TRPM8: variants seen among roughly 807,000 people sequenced by gnomAD.
TRPM8 encodes TRPM8 cationic channel.
Under a neutral mutation model 133.7 loss-of-function variants are expected in TRPM8, and 110 were observed. That is an observed-to-expected ratio of 0.82 (90% CI 0.70 to 0.96). TRPM8 has a LOEUF of 0.96. TRPM8 is among the 40% of genes least tolerant of loss of function. TRPM8 has a pLI of 0.00. For missense variants in TRPM8, 1,291 were observed against 1,379.5 expected, an observed-to-expected ratio of 0.94 and a Z score of 1.02; for synonymous variants, 535 against 532.3, an observed-to-expected ratio of 1.01 and a Z score of -0.07.
chr2:233,971,633 G>A (rs1691721937), intron 17 of TRPM8, among the ~76,000 whole-genome samples: 1 of 151,988 alleles, frequency 6.6e-6, no homozygotes, highest in South Asian at 2.1e-4. Flanking sequence ...AGCTCTTAAG[G>A]TGGTGCGTCT....
At chr2:233,927,754 CT>C (rs1304070549) in intron 2 of TRPM8, among the ~76,000 whole-genome samples, 1 of 66,922 alleles carries the variant, frequency 1.5e-5, no homozygotes, top group Admixed American at 1.7e-4. Flanking sequence ...TTCTTTCTTT[CT>C]TTCTTTCTTT....
intron 11 of TRPM8, among the ~76,000 whole-genome samples, chr2:233,956,806 C>T (rs565212675): frequency 2.0e-5 from 3 of 152,294 alleles, no homozygotes; most frequent in South Asian, 2.1e-4. Context: ...CAATGAACCC[C>T]GCTGCACATT....
At chr2:234,005,358 T>C (rs1692666738) in intron 22 of TRPM8, among the ~76,000 whole-genome samples, 1 of 152,220 alleles carries the variant, frequency 6.6e-6, no homozygotes, top group Admixed American at 6.5e-5. Context: ...CTTTGACTGT[T>C]ACAGAGGTTG....
chr2:233,941,408 A>G (rs1165521144), intron 5 of TRPM8, among the ~76,000 whole-genome samples: 1 of 152,208 alleles, frequency 6.6e-6, no homozygotes, highest in Non-Finnish European at 1.5e-5. Flanking sequence ...AAGCAGGTGT[A>G]AAACTTCTAA....
At chr2:233,968,043 A>C (rs1691618604) in intron 15 of TRPM8, 1 of 152,036 alleles carries the variant, frequency 6.6e-6, no homozygotes, top group African/African-American at 2.4e-5. Context: ...TTCTTTCTAT[A>C]GTCAGGGTGC....
chr2:233,983,671 GC>G (rs1230390704), intron 20 of TRPM8, among the ~76,000 whole-genome samples: 1 of 152,198 alleles, frequency 6.6e-6, no homozygotes, highest in African/African-American at 2.4e-5. Flanking sequence ...TTGGAGGCAG[GC>G]TGATGGTGGC....
Position 233,969,824 on chromosome 2 carries a change from A to G in TRPM8, c.2138+17A>G. On this transcript the variant is annotated intron_variant, in intron 16 of 25. Transcript: ENST00000324695. Reference sequence around the variant, plus strand: ...ATCATTTAGGTACAAACCAAGGCACATAATCGTGTGTGAGTGTGTGTGCCA... The same window carrying G: ...ATCATTTAGGTACAAACCAAGGCACGTAATCGTGTGTGAGTGTGTGTGCCA... The G allele has an allele frequency of 6.6e-7, 1 of 1,510,614 alleles. No homozygotes were observed. The highest frequency in any genetic ancestry group is 2.3e-5 in the East Asian group (1 of 44,368). 93.6% of individuals were successfully genotyped at this position (1,510,614 alleles called of 1,614,324 possible).
In TRPM8 at chr2:233,981,922, G is replaced by A. The variant is rs954572192; in HGVS notation, c.2589+7G>A. 2.5e-6 allele frequency: 4 copies of A among 1,600,982 alleles called. No individual in the cohort carries two copies. In the African/African-American group the frequency reaches 4.1e-5, roughly 16 times the overall value. On this transcript the variant is annotated splice_region_variant and intron_variant, in intron 19 of 25. Coordinates refer to ENST00000324695, the MANE Select transcript of TRPM8 (RefSeq NM_024080.5). ...TATAATGCTGCAGAGGATGGTAAGAGTCAAGAATATTTGTAGTCATCATTT... is the reference window on the plus strand; with the variant it reads ...TATAATGCTGCAGAGGATGGTAAGAATCAAGAATATTTGTAGTCATCATTT...
At chr2:233,960,445 A>C (rs1691404722) in intron 11 of TRPM8, among the ~76,000 whole-genome samples, 1 of 152,028 alleles carries the variant, frequency 6.6e-6, no homozygotes, top group Non-Finnish European at 1.5e-5. Flanking sequence ...TATGTCTCAT[A>C]CTGGGGAAAA....
intron 11 of TRPM8, chr2:233,955,468 T>C (rs1691271696): frequency 2.5e-6 from 1 of 403,142 alleles, no homozygotes; most frequent in South Asian, 3.9e-5. Flanking sequence ...TAAAAATAAA[T>C]GGTATAAAAT....
intron 6 of TRPM8, 198 bp downstream of exon 6, chr2:233,942,946 A>C (rs772709102): frequency 1.6e-5 from 10 of 623,196 alleles, no homozygotes; most frequent in Admixed American, 2.8e-5. Flanking sequence ...GAAAGAGTTA[A>C]CAATGAATGT....
intron 8 of TRPM8, among the ~76,000 whole-genome samples, chr2:233,948,602 TA>T (rs1224553259): frequency 6.6e-6 from 1 of 152,220 alleles, no homozygotes; most frequent in Non-Finnish European, 1.5e-5. Context: ...TTTCTTGGCC[TA>T]GGGGGTAGGG....
At position 233,961,045 on chromosome 2, in the gene TRPM8, C is replaced by A; in HGVS notation, c.1632C>A (p.Asp544Glu). Residue 544 changes from aspartate to glutamate, a missense_variant, in exon 12 of 26, where the codon GAC becomes GAA. This residue lies in a region of TRPM8 where 963 missense variants were observed against 968.9 expected (regional missense o/e 0.99). Coordinates refer to ENST00000324695, the MANE Select transcript of TRPM8 (RefSeq NM_024080.5). ...GFRKEDRNGR[D>E]EMDIELHDVS... ...GGAAGGAAGACAGAAATGGCCGGGA[C>A]GAGATGGACATAGAACTCCACGTAG... 1.2e-6 allele frequency: 2 copies of A among 1,614,016 alleles called. No individual in the cohort carries two copies. Among genetic ancestry groups the A allele is most frequent in the Non-Finnish European group, 1.7e-6 (2 of 1,180,020 alleles).
At chr2:234,000,086 G>GATTTATTTATTTATTAATTT (rs1692513296) in intron 22 of TRPM8, among the ~76,000 whole-genome samples, 1 of 144,166 alleles carries the variant, frequency 6.9e-6, no homozygotes, top group East Asian at 2.1e-4. Context: ...CAATGTGGAT[G>GATTTATTTATTTATTAATTT]ATTTATTTAT....
intron 8 of TRPM8, among the ~76,000 whole-genome samples, chr2:233,949,162 C>A (rs1691117600): frequency 6.6e-6 from 1 of 152,224 alleles, no homozygotes. Flanking sequence ...ACAGAGGGAT[C>A]CCGGCCTGCT....
rs1367988799 is a variant in TRPM8, at chr2:234,017,308, A to G, written c.*52A>G. The G allele has an allele frequency of 4.2e-6, 2 of 471,044 alleles. No individual in the cohort carries two copies. The highest frequency in any genetic ancestry group is 1.4e-4 in the East Asian group (2 of 14,410). The allele number at this position is 471,044 out of a possible 1,614,324, so 29.2% of individuals were successfully genotyped here. On this transcript the variant is annotated 3_prime_UTR_variant, in exon 26 of 26. Coordinates refer to ENST00000324695, the MANE Select transcript of TRPM8 (RefSeq NM_024080.5). ...TTCTTTGTTTTTACAGATCATATTA[A>G]GGAATGCTGATGAACAATTTTGCTA... is the stretch of plus-strand genomic sequence containing the variant.
chr2:233,930,732 C>T lies in TRPM8; in HGVS notation c.182C>T (p.Ser61Phe). 3 of 1,606,650 alleles carry T rather than the reference C, an allele frequency of 1.9e-6. No individual in the cohort carries two copies. Among genetic ancestry groups the T allele is most frequent in the Non-Finnish European group, 2.6e-6 (3 of 1,175,268 alleles). The change falls in exon 3 of 26, where the codon TCC becomes TTC. Residue 61 changes from serine (S) to phenylalanine (F), a missense_variant. Around this residue, in one of 2 missense-constraint regions of TRPM8, gnomAD observed 963 missense variants for 968.9 expected, o/e 0.99. Transcript: ENST00000324695. Reference sequence around the variant, plus strand: ...GAATGTGTCTTCTTTACCAAAGATTCCAAGGCCACGTAAGCTACTATTTTC... The same window carrying T: ...GAATGTGTCTTCTTTACCAAAGATTTCAAGGCCACGTAAGCTACTATTTTC... ...KRECVFFTKD[S>F]KATENVCKCG...
Position 233,942,700 on chromosome 2 carries a change from G to A in TRPM8, c.651G>A (p.Trp217Ter). 6.2e-7 allele frequency: 1 copy of A among 1,614,170 alleles called. No individual in the cohort carries two copies. The highest frequency in any genetic ancestry group is 8.5e-7 in the Non-Finnish European group (1 of 1,180,028). Residue 217 changes from tryptophan to a stop codon, truncating the protein, a stop_gained, in exon 6 of 26, where the codon TGG becomes TGA. Transcript: ENST00000324695. LOFTEE classifies it high-confidence loss of function. ...ENIVAIGIAA[W>*]GMVSNRDTLI... Reference sequence around the variant, plus strand: ...TTGTGGCCATTGGCATAGCAGCTTGGGGCATGGTCTCCAACCGGGACACCC... The same window carrying A: ...TTGTGGCCATTGGCATAGCAGCTTGAGGCATGGTCTCCAACCGGGACACCC...
At chr2:233,991,983 A>G (rs1692290621) in intron 21 of TRPM8, among the ~76,000 whole-genome samples, 2 of 152,204 alleles carry the variant, frequency 1.3e-5, no homozygotes, top group South Asian at 2.1e-4. Flanking sequence ...AAGAAATGCT[A>G]TGATTTTCAT....
Sources: allele counts gnomAD v4.1 joint callset (sites outside exome capture counted in the v4.1 genomes callset), GRCh38; gene constraint gnomAD v4.1.1; regional missense constraint gnomAD v4.1.1; transcripts MANE v1.5; gene names NCBI Gene and HGNC (gene_info 2026-07-23, HGNC 2026-07-21).